DOCK3: variants seen among roughly 807,000 people sequenced by gnomAD.
DOCK3 encodes the protein dedicator of cytokinesis protein 3.
DOCK3 carries 60 observed loss-of-function variants against 265.6 expected under a neutral mutation model. The ratio of observed to expected loss-of-function variants is 0.23; its 90% confidence interval spans 0.18 to 0.28. The LOEUF (loss-of-function observed/expected upper bound fraction) is 0.28, where lower values mean the gene tolerates loss of function less well. Ranked by LOEUF, DOCK3 falls within the 10% of genes least tolerant of loss-of-function variation. The pLI is 1.00. For synonymous variants in DOCK3, 881 were observed against 938.0 expected, an observed-to-expected ratio of 0.94 and a Z score of 1.11; for missense variants, 1,981 against 2,594.3, an observed-to-expected ratio of 0.76 and a Z score of 5.14.
At chr3:51,372,532 G>A (rs949511360) in intron 49 of DOCK3, among the ~76,000 whole-genome samples, 6 of 152,176 alleles carry the variant, frequency 3.9e-5, no homozygotes, top group African/African-American at 1.4e-4. Context: ...CCCCTCACAC[G>A]GATCAGGATA....
intron 2 of DOCK3, among the ~76,000 whole-genome samples, chr3:50,816,922 G>A (rs2675829): frequency 3.9e-5 from 6 of 152,034 alleles, no homozygotes; most frequent in Admixed American, 1.3e-4. Flanking sequence ...CCCCAAGAGA[G>A]GATTCTTGGA....
chr3:50,849,659 A>G (rs1306907435), intron 3 of DOCK3, among the ~76,000 whole-genome samples: 2 of 152,206 alleles, frequency 1.3e-5, no homozygotes, highest in African/African-American at 4.8e-5. Context: ...AAAGAATAGC[A>G]ATGAAGACTA....
At chr3:50,882,067 A>C (rs1042527914) in intron 3 of DOCK3, among the ~76,000 whole-genome samples, 10 of 152,352 alleles carry the variant, frequency 6.6e-5, no homozygotes, top group African/African-American at 2.4e-4. Flanking sequence ...AGCCATACAT[A>C]GAAAGCTGAA....
At chr3:50,879,522 A>G (rs2047913691) in intron 3 of DOCK3, among the ~76,000 whole-genome samples, 1 of 152,226 alleles carries the variant, frequency 6.6e-6, no homozygotes, top group Non-Finnish European at 1.5e-5. Flanking sequence ...AAAGATCAAA[A>G]GAGACAAAGA....
intron 1 of DOCK3, among the ~76,000 whole-genome samples, chr3:50,718,921 C>T (rs1424994421): frequency 1.3e-5 from 2 of 151,628 alleles, no homozygotes; most frequent in African/African-American, 4.8e-5. Context: ...GTAGCTGGGA[C>T]TACAGGCGCC....
intron 4 of DOCK3, among the ~76,000 whole-genome samples, chr3:50,918,939 A>G (rs1476117515): frequency 6.6e-6 from 1 of 152,232 alleles, no homozygotes; most frequent in Non-Finnish European, 1.5e-5. Context: ...ATTTTCGTAT[A>G]AAGTGTAAGG....
At chr3:50,883,863 C>G (rs1393907876) in intron 3 of DOCK3, among the ~76,000 whole-genome samples, 1 of 152,080 alleles carries the variant, frequency 6.6e-6, no homozygotes, top group East Asian at 1.9e-4. Flanking sequence ...ACAGAAACTT[C>G]CAAGCCCATT....
intron 9 of DOCK3, among the ~76,000 whole-genome samples, chr3:51,109,801 C>A (rs2083437398): frequency 6.6e-6 from 1 of 151,920 alleles, no homozygotes; most frequent in Non-Finnish European, 1.5e-5. Context: ...GTCATGGTGG[C>A]ACACACCTGT....
At chr3:51,086,221 G>T (rs1442956066) in intron 7 of DOCK3, among the ~76,000 whole-genome samples, 3 of 152,228 alleles carry the variant, frequency 2.0e-5, no homozygotes, top group Non-Finnish European at 2.9e-5. Context: ...TGCAGCAGGA[G>T]CATGTCCTTA....
At chr3:50,788,046 A>T (rs1341266132) in intron 2 of DOCK3, 6 of 740,048 alleles carry the variant, frequency 8.1e-6, no homozygotes, top group Non-Finnish European at 1.4e-5. Context: ...GTCTCCCTGA[A>T]ATGTGGCTGT....
At chr3:50,888,408 T>A (rs968481949) in intron 3 of DOCK3, among the ~76,000 whole-genome samples, 1 of 152,170 alleles carries the variant, frequency 6.6e-6, no homozygotes, top group Non-Finnish European at 1.5e-5. Context: ...GTAGGAAGAA[T>A]GCATATCGTG....
chr3:51,381,031 C>T lies in DOCK3; in HGVS notation c.5584-19C>T. 4 of 1,564,236 alleles carry T rather than the reference C, an allele frequency of 2.6e-6. No homozygotes were observed. The highest frequency in any genetic ancestry group is 1.2e-5 in the South Asian group (1 of 83,846). On this transcript the variant is annotated intron_variant, in intron 52 of 52. Coordinates refer to ENST00000266037, the MANE Select transcript of DOCK3 (RefSeq NM_004947.5). This position sits in a 1 kb window ranked among gnomAD's most constrained non-coding sequence, Gnocchi z 5.6. ...GTCTGGAGAGAGGGATTCTAACATG[C>T]CCACCCTTTCCTTCGCAGTCTCCTC...
intron 14 of DOCK3, among the ~76,000 whole-genome samples, chr3:51,220,766 G>A (rs1455229590): frequency 1.3e-5 from 2 of 148,448 alleles, no homozygotes; most frequent in Non-Finnish European, 3.0e-5. Flanking sequence ...CTAATATGAA[G>A]TGTGAGTAAT....
At chr3:51,080,957 G>A (rs536811511) in intron 7 of DOCK3, among the ~76,000 whole-genome samples, 122 of 141,922 alleles carry the variant, frequency 8.6e-4, no homozygotes, top group Non-Finnish European at 1.6e-3. Context: ...TTTTTCTTTT[G>A]TGCATATACA....
chr3:51,159,265 A>C lies in DOCK3; in HGVS notation c.850A>C (p.Lys284Gln), dbSNP rs752119216. ...LFTDLSSKDM[K>Q]RDLYIVAHVI... ...TTAGGATCTGAGCAGCAAAGATATG[A>C]AGAGAGATTTGTATATCGTTGCCCA... The change falls in exon 11 of 53, where the codon AAG becomes CAG. Residue 284 changes from lysine (K) to glutamine (Q), a missense_variant. Physicochemically the swap from Lys to Gln is moderately conservative, Grantham distance 53. This residue lies in a region of DOCK3 where 456 missense variants were observed against 539.0 expected (regional missense o/e 0.85). Transcript: ENST00000266037. The C allele has an allele frequency of 4.7e-5, 76 of 1,613,500 alleles. No homozygotes were observed. The highest frequency in any genetic ancestry group is 1.6e-4 in the Middle Eastern group (1 of 6,080).
intron 22 of DOCK3, 59 bp downstream of exon 22, chr3:51,246,866 T>C (rs541904521): frequency 6.6e-7 from 1 of 1,516,404 alleles, no homozygotes; most frequent in East Asian, 2.3e-5. Flanking sequence ...TTGTGAGTAA[T>C]CTCAGTGATA....
rs776560295 is a variant in DOCK3 at position 51,228,058 on chromosome 3, A to G, written c.1617A>G (p.Ser539=). The change falls in exon 17 of 53, where the codon TCA becomes TCG. Residue 539 remains serine (S), a synonymous_variant. Coordinates refer to ENST00000266037, the MANE Select transcript of DOCK3 (RefSeq NM_004947.5). The stretch of plus-strand genomic sequence containing the variant: ...TGCGTGATGATGGCACCACCCTCTC[A>G]GATGATATTCACGAGCTTTATGTGT... The part of the protein sequence containing the change: ...TLMRDDGTTL[S]DDIHELYVYK... The G allele has an allele frequency of 6.2e-7, 1 of 1,614,042 alleles. No homozygotes were observed. Among genetic ancestry groups the G allele is most frequent in the Non-Finnish European group, 8.5e-7 (1 of 1,179,894 alleles).
At chr3:50,780,899 A>G (rs1196353727) in intron 2 of DOCK3, among the ~76,000 whole-genome samples, 2 of 152,072 alleles carry the variant, frequency 1.3e-5, no homozygotes, top group Non-Finnish European at 2.9e-5. Context: ...GAATAAGAAT[A>G]TGAGGTGTTT....
At chr3:50,837,513 C>T (rs2045578868) in intron 2 of DOCK3, among the ~76,000 whole-genome samples, 1 of 152,130 alleles carries the variant, frequency 6.6e-6, no homozygotes, top group Admixed American at 6.5e-5. Context: ...ATGAGAACAG[C>T]ATGGGGGTAA....
Sources: allele counts gnomAD v4.1 joint callset (sites outside exome capture counted in the v4.1 genomes callset), GRCh38; gene constraint gnomAD v4.1.1; regional missense constraint gnomAD v4.1.1; non-coding constraint Gnocchi (gnomAD v3.1); transcripts MANE v1.5; gene names NCBI Gene and HGNC (gene_info 2026-07-23, HGNC 2026-07-21).